STPG4: variants seen among roughly 807,000 people sequenced by gnomAD.
The protein encoded by STPG4 is protein STPG4.
A neutral mutation model predicts 31.5 loss-of-function variants in STPG4; 41 were observed. That is an observed-to-expected ratio of 1.30 (90% confidence interval 1.01 to 1.69). STPG4 has a LOEUF of 1.69. Ranked by LOEUF, STPG4 falls within the 40% of genes most tolerant of loss-of-function variation. The pLI is 0.00. For missense variants in STPG4, 375 were observed against 293.4 expected (o/e 1.28, Z -2.03); for synonymous variants, 141 against 103.0 (o/e 1.37, Z -2.24).
intron 5 of STPG4, among the ~76,000 whole-genome samples, chr2:47,103,943 T>C (rs1685850903): frequency 6.6e-6 from 1 of 152,026 alleles, no homozygotes. Flanking sequence ...ATCTGAGGAA[T>C]CCTGGGACAG....
At chr2:47,098,903 A>G (rs1009778422) in intron 5 of STPG4, among the ~76,000 whole-genome samples, 7 of 152,206 alleles carry the variant, frequency 4.6e-5, no homozygotes, top group African/African-American at 1.4e-4. Context: ...AATTCTGTCA[A>G]CATTGGTCTA....
intron 5 of STPG4, among the ~76,000 whole-genome samples, chr2:47,093,807 G>T (rs12987231): frequency 0.4 from 60,090 of 151,986 alleles, 13,014 homozygotes; most frequent in Middle Eastern, 0.54. Flanking sequence ...GGAGCACTGA[G>T]GAAGTGGATA....
chr2:47,147,473 A>T (rs369694236), intron 3 of STPG4, among the ~76,000 whole-genome samples: 88 of 152,276 alleles, frequency 5.8e-4, no homozygotes, highest in African/African-American at 2.0e-3. Flanking sequence ...GCCTGCAGGG[A>T]ATGGAAAAAT....
intron 3 of STPG4, among the ~76,000 whole-genome samples, chr2:47,143,763 C>G (rs1686763539): frequency 6.6e-6 from 1 of 152,152 alleles, no homozygotes; most frequent in African/African-American, 2.4e-5. Flanking sequence ...GCTGGGATTA[C>G]AGGTGTGAGC....
At chr2:47,145,383 G>C (rs1207494356) in intron 3 of STPG4, among the ~76,000 whole-genome samples, 1 of 152,230 alleles carries the variant, frequency 6.6e-6, no homozygotes, top group African/African-American at 2.4e-5. Flanking sequence ...CAAGAACTGA[G>C]AGGGAGAAGA....
chr2:47,090,474 A>G lies in STPG4; in HGVS notation c.520-100T>C, dbSNP rs559041331. 93 of 773,480 alleles carry G rather than the reference A, an allele frequency of 1.2e-4. No homozygotes were observed. In the South Asian group the frequency reaches 1.5e-3, roughly 12 times the overall value. The allele number at this position is 773,480 out of a possible 1,614,324, so 47.9% of individuals were successfully genotyped here. Reference sequence around the variant, plus strand: ...AAATAAACATATGAATCACTGTGATATAGTAGAAAAATCCCATATTTGGTC... The same window carrying G: ...AAATAAACATATGAATCACTGTGATGTAGTAGAAAAATCCCATATTTGGTC... On this transcript the variant is annotated intron_variant, in intron 5 of 6. Coordinates refer to ENST00000445927, the MANE Select transcript of STPG4 (RefSeq NM_001163561.2).
chr2:47,153,684 A>G (rs185091930), intron 1 of STPG4, among the ~76,000 whole-genome samples: 8 of 152,166 alleles, frequency 5.3e-5, no homozygotes, highest in African/African-American at 1.9e-4. Flanking sequence ...GAGGCACGAG[A>G]ATCACTTGAA....
intron 5 of STPG4, among the ~76,000 whole-genome samples, chr2:47,092,278 C>G (rs1339817832): frequency 1.3e-5 from 2 of 148,844 alleles, no homozygotes; most frequent in Non-Finnish European, 3.0e-5. Flanking sequence ...GCCTGTAATC[C>G]CAGCATTTTG....
rs376974591 is a variant in STPG4 at position 47,104,140 on chromosome 2, G to C, written c.520-13766C>G. Among the ~76,000 whole-genome samples, 11 of 151,978 alleles carry C rather than the reference G, an allele frequency of 7.2e-5. No individual in the cohort carries two copies. In the East Asian group the frequency reaches 1.5e-3, roughly 21 times the overall value. On this transcript the variant is annotated intron_variant, in intron 5 of 6. Transcript: ENST00000445927. Reference sequence around the variant, plus strand: ...ACCCATTTGTTGTCCCCTACTTAAAGAGGGAATCAACCCTGAAGTCTGGGC... The same window carrying C: ...ACCCATTTGTTGTCCCCTACTTAAACAGGGAATCAACCCTGAAGTCTGGGC...
chr2:47,103,281 G>A (rs150249822), intron 5 of STPG4, among the ~76,000 whole-genome samples: 3,994 of 151,916 alleles, frequency 0.026, 247 homozygotes, highest in African/African-American at 0.092. Flanking sequence ...GAGCAGCTAC[G>A]AGAGGCCTTA....
intron 5 of STPG4, among the ~76,000 whole-genome samples, chr2:47,096,691 A>G (rs1685676546): frequency 6.6e-6 from 1 of 152,234 alleles, no homozygotes; most frequent in South Asian, 2.1e-4. Flanking sequence ...TCAAATCCAC[A>G]AATATTCACT....
At chr2:47,128,897 C>T (rs1218239099) in intron 5 of STPG4, 1 of 152,304 alleles carries the variant, frequency 6.6e-6, no homozygotes, top group Non-Finnish European at 1.5e-5. Flanking sequence ...TGCTGGATCA[C>T]ACCTGAAGCA....
intron 3 of STPG4, among the ~76,000 whole-genome samples, chr2:47,134,308 AG>A (rs1476901796): frequency 6.6e-6 from 1 of 152,194 alleles, no homozygotes; most frequent in Non-Finnish European, 1.5e-5. Context: ...CCACTATTAT[AG>A]TATCACAGAG....
chr2:47,145,465 G>A (rs773902893), intron 3 of STPG4, among the ~76,000 whole-genome samples: 18 of 152,178 alleles, frequency 1.2e-4, no homozygotes, highest in African/African-American at 4.3e-4. Flanking sequence ...ACAATGCTAG[G>A]GTGATCCAAG....
chr2:47,124,234 G>A (rs953793723), intron 5 of STPG4, among the ~76,000 whole-genome samples: 18 of 151,994 alleles, frequency 1.2e-4, no homozygotes, highest in Admixed American at 1.2e-3. Flanking sequence ...CAAATGATCC[G>A]CCTGCCTCCC....
intron 5 of STPG4, among the ~76,000 whole-genome samples, chr2:47,094,244 G>C (rs921321131): frequency 3.3e-5 from 5 of 152,140 alleles, no homozygotes; most frequent in African/African-American, 1.2e-4. Flanking sequence ...TCATGCTTTG[G>C]CAACTGTGGG....
chr2:47,109,268 A>T (rs182400411), intron 5 of STPG4, among the ~76,000 whole-genome samples: 3,949 of 152,338 alleles, frequency 0.026, 181 homozygotes, highest in African/African-American at 0.09. Flanking sequence ...TTGAAAATTC[A>T]GGCACAGGCC....
chr2:47,115,311 C>T (rs1686123045), intron 5 of STPG4, among the ~76,000 whole-genome samples: 1 of 152,256 alleles, frequency 6.6e-6, no homozygotes, highest in Non-Finnish European at 1.5e-5. Context: ...CTCACTACTC[C>T]TCTCCCAGAT....
At position 47,118,248 on chromosome 2, in the gene STPG4, G is replaced by A. The variant is rs142010620; in HGVS notation, c.519+11693C>T. 4.6e-5 allele frequency among the ~76,000 whole-genome samples: 7 copies of A among 152,164 alleles called. No homozygotes were observed. The South Asian group carries it at 8.3e-4, about 18-fold the overall frequency. On this transcript the variant is annotated intron_variant, in intron 5 of 6. Transcript: ENST00000445927. ...GAGCTCCAGCTCCTATCAGATCAGC[G>A]GCAGCATTAGATTCTCATAGGAGCA...
Sources: gnomAD v4.1 joint callset for allele counts (sites outside exome capture counted in the v4.1 genomes callset) on GRCh38, gnomAD v4.1.1 for gene constraint, MANE v1.5 for transcripts, NCBI Gene and HGNC (gene_info 2026-07-23, HGNC 2026-07-21) for gene names.